SOX6: variants seen among roughly 807,000 people sequenced by gnomAD.
SOX6 encodes the protein SRY-box transcription factor 6.
A neutral mutation model predicts 97.8 loss-of-function variants in SOX6; 11 were observed. That is an observed-to-expected ratio of 0.11 (90% CI 0.07 to 0.19). SOX6 has a LOEUF of 0.19. SOX6 is among the 10% of genes least tolerant of loss of function. The pLI is 1.00. For synonymous variants in SOX6, 360 were observed against 371.4 expected (o/e 0.97, Z 0.35); for missense variants, 810 against 1,039.5 (o/e 0.78, Z 3.04).
chr11:16,731,797 C>T (rs1848352145), intron 2 of SOX6, among the ~76,000 whole-genome samples: 1 of 152,188 alleles, frequency 6.6e-6, no homozygotes, highest in Non-Finnish European at 1.5e-5. Flanking sequence ...ATGAGGAAGT[C>T]AGATTGTCTC....
intron 13 of SOX6, among the ~76,000 whole-genome samples, chr11:16,010,732 T>C (rs531279289): frequency 3.3e-5 from 5 of 151,962 alleles, no homozygotes; most frequent in African/African-American, 4.8e-5. Context: ...GAAATACTAC[T>C]GGAGAGATCT....
Position 16,522,609 on chromosome 11 carries a change from C to T in SOX6, n.610-46221G>A, listed in dbSNP as rs190351469. 1.4e-3 allele frequency among the ~76,000 whole-genome samples: 215 copies of T among 151,498 alleles called. 1 individual carries two copies. Among genetic ancestry groups the T allele is most frequent in the South Asian group, 5.0e-3 (24 of 4,758 alleles). The stretch of plus-strand genomic sequence containing the variant: ...ATAACCAGCTAACATCATAATGACA[C>T]GATCAAATTCACACATAACAATAAT... On this transcript the variant is annotated intron_variant and non_coding_transcript_variant, in intron 4 of 5. Transcript: ENST00000524520.
intron 6 of SOX6, among the ~76,000 whole-genome samples, chr11:16,169,653 C>T (rs1412263859): frequency 6.6e-6 from 1 of 151,816 alleles, no homozygotes; most frequent in African/African-American, 2.4e-5. Flanking sequence ...ATAAAGATTC[C>T]CTCCATATTT....
intron 3 of SOX6, among the ~76,000 whole-genome samples, chr11:16,627,852 T>TA (rs1462239113): frequency 1.3e-5 from 2 of 152,196 alleles, no homozygotes; most frequent in South Asian, 2.1e-4. Context: ...TTTGAGGACT[T>TA]AGTCATAAAT....
intron 4 of SOX6, among the ~76,000 whole-genome samples, chr11:16,525,770 T>A (rs1438652456): frequency 1.3e-5 from 2 of 151,642 alleles, no homozygotes; most frequent in African/African-American, 4.8e-5. Context: ...TACAATGAAC[T>A]CAAACAAATT....
chr11:16,089,829 T>C (rs1310949430), intron 9 of SOX6, among the ~76,000 whole-genome samples: 1 of 152,100 alleles, frequency 6.6e-6, no homozygotes, highest in Non-Finnish European at 1.5e-5. Context: ...TTTTATCATA[T>C]ATTTTTCTGA....
At chr11:16,208,792 CA>C (rs1403265336) in intron 4 of SOX6, among the ~76,000 whole-genome samples, 1 of 152,060 alleles carries the variant, frequency 6.6e-6, no homozygotes, top group Non-Finnish European at 1.5e-5. Flanking sequence ...ATGACCAATA[CA>C]AAATCTTACA....
At chr11:16,316,904 C>T (rs2134299214) in intron 3 of SOX6, 1 of 152,070 alleles carries the variant, frequency 6.6e-6, no homozygotes. Flanking sequence ...ATGTATTTCC[C>T]AGAATCTCTC....
At chr11:15,991,110 A>G (rs1008171308) in intron 13 of SOX6, among the ~76,000 whole-genome samples, 2 of 152,200 alleles carry the variant, frequency 1.3e-5, no homozygotes, top group Non-Finnish European at 1.5e-5. Context: ...CAAAAATAAC[A>G]TATTTTATAA....
In SOX6 at chr11:16,132,401, A is replaced by AAAAGAAAG. The variant is rs1321127213; in HGVS notation, c.778-20486_778-20479dup. On this transcript the variant is annotated intron_variant, in intron 6 of 15. Transcript: ENST00000683767. Reference sequence around the variant, plus strand: ...AAGAAAGAAAGAAAGAAAGAAAGAAAAAAGAAAGAAAGAAAGAAAGAAAGA... The same window carrying AAAAGAAAG: ...AAGAAAGAAAGAAAGAAAGAAAGAAAAAAGAAAGAAAGAAAGAAAGAAAGAAAGAAAGA... Among the ~76,000 whole-genome samples, 9 of 43,842 alleles carry AAAAGAAAG rather than the reference A, an allele frequency of 2.1e-4. 1 individual carries two copies. Among genetic ancestry groups the AAAAGAAAG allele is most frequent in the Admixed American group, 5.0e-4 (2 of 4,008 alleles). The allele number at this position is 43,842 out of a possible 152,430, so 28.8% of individuals were successfully genotyped here.
chr11:16,424,729 T>C (rs1859090921), intron 1 of SOX6, among the ~76,000 whole-genome samples: 1 of 152,228 alleles, frequency 6.6e-6, no homozygotes, highest in Non-Finnish European at 1.5e-5. Flanking sequence ...AAGAGAAATA[T>C]CTATAGATAG....
chr11:16,337,013 T>C (rs1449481889), intron 2 of SOX6, among the ~76,000 whole-genome samples: 1 of 152,154 alleles, frequency 6.6e-6, no homozygotes. Context: ...TATCATTGTC[T>C]GAAATTGTCT....
At chr11:16,076,814 C>A (rs1046575559) in intron 9 of SOX6, among the ~76,000 whole-genome samples, 2 of 134,824 alleles carry the variant, frequency 1.5e-5, no homozygotes, top group Non-Finnish European at 3.0e-5. Context: ...ACTGCAGTGG[C>A]GCAATCTCGG....
intron 4 of SOX6, among the ~76,000 whole-genome samples, chr11:16,562,978 C>T (rs1248747722): frequency 1.3e-5 from 2 of 152,034 alleles, no homozygotes; most frequent in African/African-American, 4.8e-5. Context: ...AACAAGTTTA[C>T]AAAAGAACCA....
At chr11:16,472,030 C>CT (rs1860149532) in intron 1 of SOX6, among the ~76,000 whole-genome samples, 1 of 152,182 alleles carries the variant, frequency 6.6e-6, no homozygotes, top group South Asian at 2.1e-4. Flanking sequence ...AGTGCCCCTT[C>CT]TAATTTTAGC....
intron 2 of SOX6, among the ~76,000 whole-genome samples, chr11:16,719,915 AAAAC>A (rs758806417): frequency 2.6e-5 from 4 of 152,224 alleles, no homozygotes; most frequent in East Asian, 3.8e-4. Context: ...CAAAAAACAA[AAAAC>A]AAACAAACAA....
chr11:16,213,992 T>G (rs1031344623), intron 4 of SOX6, among the ~76,000 whole-genome samples: 3 of 152,194 alleles, frequency 2.0e-5, no homozygotes, highest in Non-Finnish European at 4.4e-5. Flanking sequence ...TTATGGCTAT[T>G]ATAATATAGA....
At chr11:16,030,324 A>T (rs970941862) in intron 12 of SOX6, among the ~76,000 whole-genome samples, 1 of 152,218 alleles carries the variant, frequency 6.6e-6, no homozygotes, top group Non-Finnish European at 1.5e-5. Flanking sequence ...TGTACTTTCA[A>T]TTATTTTAAA....
chr11:16,184,335 A>G (rs1354749069), intron 5 of SOX6, among the ~76,000 whole-genome samples: 1 of 152,104 alleles, frequency 6.6e-6, no homozygotes, highest in African/African-American at 2.4e-5. Flanking sequence ...CAAAGACAGG[A>G]AAAATCTTCG....
Sources: allele counts gnomAD v4.1 joint callset (sites outside exome capture counted in the v4.1 genomes callset), GRCh38; gene constraint gnomAD v4.1.1; transcripts MANE v1.5; gene names NCBI Gene and HGNC (gene_info 2026-07-23, HGNC 2026-07-21).